The following PCDHA1 variants were observed in gnomAD, a reference collection of about 807,000 sequenced individuals.
The protein encoded by PCDHA1 is protocadherin alpha-1.
Under a neutral mutation model 61.3 loss-of-function variants are expected in PCDHA1, and 42 were observed. The observed-to-expected ratio is 0.69, with a 90% CI of 0.54 to 0.89. PCDHA1 has a LOEUF of 0.89. Among genes scored for constraint, PCDHA1 ranks in the 40% least tolerant of loss-of-function variants. PCDHA1 has a pLI of 0.00. For synonymous variants in PCDHA1, 610 were observed against 553.8 expected (o/e 1.10, Z -1.43); for missense variants, 1,256 against 1,235.3 (o/e 1.02, Z -0.25).
chr5:140,898,033 GTTGT>G (rs2066486498), intron 1 of PCDHA1, among the ~76,000 whole-genome samples: 1 of 152,032 alleles, frequency 6.6e-6, no homozygotes, highest in South Asian at 2.1e-4. Flanking sequence ...TTTTGATGGG[GTTGT>G]TTGTTTTTTT....
intron 1 of PCDHA1, among the ~76,000 whole-genome samples, chr5:140,923,770 G>C (rs1554201580): frequency 6.6e-6 from 1 of 152,152 alleles, no homozygotes; most frequent in East Asian, 1.9e-4. Context: ...AATCCTACTG[G>C]GTGGATGGTT....
At chr5:140,830,048 G>A (rs2150180232) in intron 1 of PCDHA1, 1 of 1,613,792 alleles carries the variant, frequency 6.2e-7, no homozygotes, top group South Asian at 1.1e-5. Context: ...GCTGGTGAAA[G>A]ACCACGGTGA....
chr5:140,972,213 C>T (rs1312530794), intron 1 of PCDHA1, among the ~76,000 whole-genome samples: 3 of 151,932 alleles, frequency 2.0e-5, no homozygotes, highest in African/African-American at 7.3e-5. Flanking sequence ...GAATATGGCT[C>T]ACTGCAGCCT....
intron 1 of PCDHA1, chr5:140,870,904 G>A (rs1554164810): frequency 1.9e-6 from 3 of 1,613,840 alleles, no homozygotes; most frequent in African/African-American, 2.7e-5. Context: ...TGCGGACTCA[G>A]GCTACAACGC....
intron 1 of PCDHA1, among the ~76,000 whole-genome samples, chr5:140,924,973 GCTCATGT>G (rs1447379119): frequency 2.0e-5 from 3 of 151,826 alleles, no homozygotes; most frequent in African/African-American, 7.2e-5. Flanking sequence ...GAGTGCAGTG[GCTCATGT>G]CTGTAATCCT....
intron 1 of PCDHA1, among the ~76,000 whole-genome samples, chr5:140,971,541 G>A (rs544682624): frequency 6.6e-6 from 1 of 152,172 alleles, no homozygotes; most frequent in Non-Finnish European, 1.5e-5. Context: ...ATCATTGCCA[G>A]ATCAACCTGT....
At chr5:140,875,874 A>C in intron 1 of PCDHA1, 1 of 1,614,188 alleles carries the variant, frequency 6.2e-7, no homozygotes, top group Non-Finnish European at 8.5e-7. Flanking sequence ...CGGTGTTCAG[A>C]GAAAGGGAAC....
chr5:141,002,157 GGGC>G (rs797024683), intron 3 of PCDHA1, among the ~76,000 whole-genome samples: 4 of 152,372 alleles, frequency 2.6e-5, no homozygotes, highest in African/African-American at 9.6e-5. Flanking sequence ...TTAGCAGAGT[GGGC>G]GGTAGGCAGG....
chr5:140,809,268 T>G (rs1554125113), intron 1 of PCDHA1: 1 of 1,614,118 alleles, frequency 6.2e-7, no homozygotes, highest in South Asian at 1.1e-5. Context: ...GCTGCGCTGG[T>G]GGATGTCAAC....
At chr5:140,968,660 C>T in intron 1 of PCDHA1, 1 of 1,614,166 alleles carries the variant, frequency 6.2e-7, no homozygotes, top group Non-Finnish European at 8.5e-7. Flanking sequence ...TGACCTGGAC[C>T]TCTTTAAGGT....
At chr5:141,009,167 G>A (rs2098401919) in intron 3 of PCDHA1, among the ~76,000 whole-genome samples, 1 of 152,180 alleles carries the variant, frequency 6.6e-6, no homozygotes, top group African/African-American at 2.4e-5. Flanking sequence ...TGTAAATACT[G>A]GCCTTGGCTG....
chr5:140,823,212 G>A (rs1282468969), intron 1 of PCDHA1: 1 of 1,613,666 alleles, frequency 6.2e-7, no homozygotes, highest in African/African-American at 1.3e-5. Context: ...TGTCTGCACG[G>A]GACGCGGACG....
chr5:140,826,328 TAAGAAA>T (rs1768900003), intron 1 of PCDHA1, among the ~76,000 whole-genome samples: 1 of 152,204 alleles, frequency 6.6e-6, no homozygotes, highest in Non-Finnish European at 1.5e-5. Context: ...TGTTTTTGGT[TAAGAAA>T]TTGAACCCTT....
chr5:140,788,143 C>G lies in PCDHA1; in HGVS notation c.1853C>G (p.Ala618Gly). The change falls in exon 1 of 4, where the codon GCG becomes GGG. Residue 618 changes from alanine (A) to glycine (G), a missense_variant. Physicochemically the swap from Ala to Gly is moderately conservative, Grantham distance 60 (BLOSUM62 0). Transcript: ENST00000504120. ...SYELQPAAGG[A>G]RIPFRVGLYT... ...GAACTGCAGCCGGCAGCAGGCGGCG[C>G]GCGCATCCCGTTCCGCGTGGGGCTG... The G allele has an allele frequency of 6.2e-7, 1 of 1,613,988 alleles. No homozygotes were observed. Among genetic ancestry groups the G allele is most frequent in the Non-Finnish European group, 8.5e-7 (1 of 1,179,916 alleles).
intron 1 of PCDHA1, among the ~76,000 whole-genome samples, chr5:140,911,469 A>T (rs1365800005): frequency 3.3e-5 from 5 of 151,880 alleles, no homozygotes; most frequent in African/African-American, 9.7e-5. Context: ...AGGAGATAAG[A>T]CTCTCACTCA....
intron 1 of PCDHA1, chr5:140,928,975 T>C (rs2085693610): frequency 1.9e-6 from 3 of 1,613,806 alleles, no homozygotes; most frequent in African/African-American, 1.3e-5. Context: ...TTCCTTTTTA[T>C]TTCTGGGGTG....
chr5:141,005,821 C>T (rs557161446), intron 3 of PCDHA1, among the ~76,000 whole-genome samples: 1 of 150,884 alleles, frequency 6.6e-6, no homozygotes, highest in African/African-American at 2.4e-5. Context: ...GGTATGGTGG[C>T]CTGTAGTCCC....
chr5:140,919,609 CT>C (rs2079218169), intron 1 of PCDHA1, among the ~76,000 whole-genome samples: 2 of 151,908 alleles, frequency 1.3e-5, no homozygotes, highest in South Asian at 4.1e-4. Flanking sequence ...AAATTTTAAA[CT>C]GTATCTTTTG....
In PCDHA1 at chr5:140,903,111, A is replaced by G. The variant is rs1002837275; in HGVS notation, c.2395-75838A>G. ...CATTGCTGGATCAAATAATAGCTCT[A>G]CTTCTAAATCTTTAAGAAATCTCCA... On this transcript the variant is annotated intron_variant, in intron 1 of 3. Transcript: ENST00000504120. Among the ~76,000 whole-genome samples, 13 of 152,306 alleles carry G rather than the reference A, an allele frequency of 8.5e-5. No individual in the cohort carries two copies. In the East Asian group the frequency reaches 2.5e-3, roughly 29 times the overall value.
Sources: gnomAD v4.1 joint callset for allele counts (sites outside exome capture counted in the v4.1 genomes callset) on GRCh38, gnomAD v4.1.1 for gene constraint, MANE v1.5 for transcripts, NCBI Gene and HGNC (gene_info 2026-07-23, HGNC 2026-07-21) for gene names.